Variants in SPATA33 observed in about 807,000 individuals in gnomAD.
SPATA33 encodes spermatogenesis associated 33.
In SPATA33, 10 loss-of-function variants were observed where a neutral mutation model predicts 8.9. The observed-to-expected ratio is 1.12, with a 90% confidence interval of 0.69 to 1.90. The LOEUF is 1.90. Ranked by LOEUF, SPATA33 falls within the 40% of genes most tolerant of loss-of-function variation. The pLI, the probability that SPATA33 is intolerant of heterozygous loss-of-function variation, is 0.00. For missense variants in SPATA33, 241 were observed against 178.3 expected (o/e 1.35, Z -2.00); for synonymous variants, 96 against 72.8 (o/e 1.32, Z -1.63).
intron 2 of SPATA33, among the ~76,000 whole-genome samples, chr16:89,668,901 A>G (rs576069134): frequency 6.6e-6 from 1 of 152,362 alleles, no homozygotes; most frequent in South Asian, 2.1e-4. Context: ...AGTTCTGTAC[A>G]GAGGGCTTTA....
chr16:89,669,537 G>T lies in SPATA33; in HGVS notation c.*40G>T. 6.3e-7 allele frequency: 1 copy of T among 1,594,324 alleles called. No individual in the cohort carries two copies. Among genetic ancestry groups the T allele is most frequent in the Non-Finnish European group, 8.6e-7 (1 of 1,167,566 alleles). On this transcript the variant is annotated 3_prime_UTR_variant, in exon 3 of 3. Coordinates refer to ENST00000579310, the MANE Select transcript of SPATA33 (RefSeq NM_001271907.2). ...ATGGCACTCGCTACTCCCTGCGATA[G>T]GCGTCTCGGGAACAGCCGCCTCACC...
chr16:89,659,547 G>C (rs2059936108), intron 2 of SPATA33: 1 of 152,294 alleles, frequency 6.6e-6, no homozygotes, highest in African/African-American at 2.4e-5. Context: ...GGTGGCATGT[G>C]CCTGTAATCC....
At chr16:89,658,448 C>G (rs774815141) in intron 2 of SPATA33, 27 bp downstream of exon 2, 19 of 1,574,826 alleles carry the variant, frequency 1.2e-5, no homozygotes, top group Middle Eastern at 4.2e-4. Context: ...GGGAGCGAAG[C>G]GAGGTCAGTG....
chr16:89,667,609 G>A lies in SPATA33; in HGVS notation c.212-1677G>A, dbSNP rs138756242. 3.2e-4 allele frequency among the ~76,000 whole-genome samples: 48 copies of A among 152,296 alleles called. 1 individual carries two copies. The Middle Eastern group carries it at 0.014, about 43-fold the overall frequency. On this transcript the variant is annotated intron_variant, in intron 2 of 2. Coordinates refer to ENST00000579310, the MANE Select transcript of SPATA33 (RefSeq NM_001271907.2). ...GCCCAGGAAGTTGAGGCTTCAGTGA[G>A]CCATGATCATGCCACAGCATTTCAG...
At chr16:89,662,469 T>C (rs1262509498) in intron 2 of SPATA33, among the ~76,000 whole-genome samples, 1 of 151,318 alleles carries the variant, frequency 6.6e-6, no homozygotes, top group Non-Finnish European at 1.5e-5. Context: ...CAGGCTGGAG[T>C]GCAATGGCAT....
At chr16:89,658,677 A>G (rs984520131) in intron 2 of SPATA33, 8 of 529,388 alleles carry the variant, frequency 1.5e-5, no homozygotes, top group African/African-American at 5.7e-5. Flanking sequence ...GGGCTGGGGC[A>G]GTGTGCGTGT....
chr16:89,660,839 G>A, intron 2 of SPATA33: 1 of 1,153,680 alleles, frequency 8.7e-7, no homozygotes, highest in Non-Finnish European at 1.1e-6. Flanking sequence ...TGGTCCCTAA[G>A]CCCTTCCAGC....
intron 2 of SPATA33, chr16:89,660,388 G>C (rs1449262289): frequency 2.9e-6 from 3 of 1,028,914 alleles, no homozygotes; most frequent in African/African-American, 1.7e-5. Flanking sequence ...TAACGGAAGT[G>C]GGGGAAGGAG....
At position 89,658,230 on chromosome 16, in the gene SPATA33, A is replaced by G; in HGVS notation, c.38-18A>G. Reference sequence around the variant, plus strand: ...ATTCGGTAAGTCCCGGGTCTAACGGATGATCCATATATTTCAGGTGAGGAG... The same window carrying G: ...ATTCGGTAAGTCCCGGGTCTAACGGGTGATCCATATATTTCAGGTGAGGAG... On this transcript the variant is annotated intron_variant, in intron 1 of 2. Coordinates refer to ENST00000579310, the MANE Select transcript of SPATA33 (RefSeq NM_001271907.2). 1.9e-6 allele frequency: 3 copies of G among 1,613,786 alleles called. No individual in the cohort carries two copies. The highest frequency in any genetic ancestry group is 1.7e-4 in the Middle Eastern group (1 of 6,046).
At chr16:89,667,564 G>A (rs1193185793) in intron 2 of SPATA33, among the ~76,000 whole-genome samples, 1 of 152,216 alleles carries the variant, frequency 6.6e-6, no homozygotes, top group African/African-American at 2.4e-5. Context: ...TTGGAAGGCT[G>A]AAGTGGGAGG....
chr16:89,660,937 C>T (rs1265258890), intron 2 of SPATA33: 1 of 1,021,064 alleles, frequency 9.8e-7, no homozygotes, highest in East Asian at 8.7e-5. Flanking sequence ...GGGCATGCAC[C>T]TCAGGGGGAG....
chr16:89,658,053 G>T (rs1202701417), intron 1 of SPATA33, 105 bp downstream of exon 1: 15 of 1,456,258 alleles, frequency 1.0e-5, no homozygotes, highest in Non-Finnish European at 1.3e-5. Context: ...CGCCAGGCTC[G>T]GCCCGGTGCG....
intron 2 of SPATA33, chr16:89,660,452 G>A: frequency 8.1e-7 from 1 of 1,231,774 alleles, no homozygotes; most frequent in South Asian, 4.1e-5. Context: ...GGGTGGGGGA[G>A]GAAGGTGGAC....
chr16:89,657,894 G>C lies in SPATA33; in HGVS notation c.-18G>C, dbSNP rs1346851524. 5.9e-6 allele frequency: 9 copies of C among 1,516,816 alleles called. No individual in the cohort carries two copies. Among genetic ancestry groups the C allele is most frequent in the African/African-American group, 1.4e-5 (1 of 69,848 alleles). The allele number at this position is 1,516,816 out of a possible 1,614,324, so 94.0% of individuals were successfully genotyped here. A position where few individuals can be genotyped will look rare whatever the true frequency, so the allele number is the denominator to read the frequency against. On this transcript the variant is annotated 5_prime_UTR_variant, in exon 1 of 3. Coordinates refer to ENST00000579310, the MANE Select transcript of SPATA33 (RefSeq NM_001271907.2). The stretch of plus-strand genomic sequence containing the variant: ...GTGGGGACCCGGGCTTGCGTCGGAG[G>C]GGGCGGTGGGCTCACCCATGGGCCT...
chr16:89,658,169 G>A lies in SPATA33; in HGVS notation c.38-79G>A, dbSNP rs2059908519. ...TGAAGCCAGCTTATTCTGGACCCACGCAGGCGACTGAAGACGATGGGACCC... is the reference window on the plus strand; with the variant it reads ...TGAAGCCAGCTTATTCTGGACCCACACAGGCGACTGAAGACGATGGGACCC... On this transcript the variant is annotated intron_variant, in intron 1 of 2. Transcript: ENST00000579310. 25 of 1,587,412 alleles carry A rather than the reference G, an allele frequency of 1.6e-5. No homozygotes were observed. In the South Asian group the frequency reaches 1.6e-4, roughly 10 times the overall value.
At chr16:89,667,547 C>T (rs2060042828) in intron 2 of SPATA33, among the ~76,000 whole-genome samples, 1 of 152,136 alleles carries the variant, frequency 6.6e-6, no homozygotes, top group African/African-American at 2.4e-5. Context: ...CTGGTGGTCC[C>T]AGCTACTTGG....
In SPATA33 at chr16:89,658,347, C is replaced by T. The variant is rs13329897; in HGVS notation, c.137C>T (p.Ser46Leu). ...SQEARQADRE[S>L]EKPVDSLHPG... ...GAAGCCAGGCAGGCAGACAGGGAGTCGGAGAAGCCTGTGGACAGCCTCCAC... is the reference window on the plus strand; with the variant it reads ...GAAGCCAGGCAGGCAGACAGGGAGTTGGAGAAGCCTGTGGACAGCCTCCAC... Residue 46 changes from serine (S) to leucine (L), a missense_variant, in exon 2 of 3, where the codon TCG (serine) becomes TTG (leucine). By Grantham distance (145) the Ser-to-Leu change is moderately radical. Transcript: ENST00000579310. 30,757 of 1,613,794 alleles carry T rather than the reference C, an allele frequency of 0.019. 344 individuals carry two copies. Among genetic ancestry groups the T allele is most frequent in the Non-Finnish European group, 0.023 (27,043 of 1,180,006 alleles).
intron 2 of SPATA33, 120 bp downstream of exon 2, chr16:89,658,541 G>C: frequency 7.5e-7 from 1 of 1,331,936 alleles, no homozygotes; most frequent in South Asian, 1.4e-5. Context: ...GCGCCGTAAA[G>C]ATGAAACTGG....
chr16:89,666,318 T>C (rs1484974697), intron 2 of SPATA33, among the ~76,000 whole-genome samples: 1 of 152,060 alleles, frequency 6.6e-6, no homozygotes, highest in African/African-American at 2.4e-5. Context: ...CATCCACGAA[T>C]AGCCACTGCG....
Sources: gnomAD v4.1 joint callset for allele counts (sites outside exome capture counted in the v4.1 genomes callset) on GRCh38, gnomAD v4.1.1 for gene constraint, MANE v1.5 for transcripts, NCBI Gene and HGNC (gene_info 2026-07-23, HGNC 2026-07-21) for gene names.